The following AIDA variants were observed in gnomAD, a reference collection of about 807,000 sequenced individuals.
AIDA encodes the protein axin interactor, dorsalization associated.
In AIDA, 18 loss-of-function variants were observed where a neutral mutation model predicts 42.7. That is an observed-to-expected ratio of 0.42 (90% CI 0.29 to 0.63). AIDA has a LOEUF of 0.63. AIDA is among the 20% of genes least tolerant of loss of function. The pLI is 0.19. For missense variants in AIDA, 250 were observed against 354.1 expected, an observed-to-expected ratio of 0.71 and a Z score of 2.36; for synonymous variants, 104 against 122.9, an observed-to-expected ratio of 0.85 and a Z score of 1.02.
At chr1:222,678,837 G>C (rs1383417174) in intron 6 of AIDA, among the ~76,000 whole-genome samples, 1 of 152,086 alleles carries the variant, frequency 6.6e-6, no homozygotes, top group Non-Finnish European at 1.5e-5. Context: ...TCTCAGTTCT[G>C]GCTAGATTAC....
chr1:222,668,796 CAT>C lies in AIDA; in HGVS notation c.*1095_*1096del, dbSNP rs778350113. On this transcript the variant is annotated 3_prime_UTR_variant, in exon 10 of 10. Coordinates refer to ENST00000340020, the MANE Select transcript of AIDA (RefSeq NM_022831.4). ...TGTTCTGTGTATCAAATATCCACCT[CAT>C]GTGTACTATGAAAGTTTTATTTATG... 323 of 145,418 alleles carry C rather than the reference CAT, an allele frequency of 2.2e-3. 3 individuals are homozygous for C. Among genetic ancestry groups the C allele is most frequent in the Non-Finnish European group, 3.7e-3 (245 of 66,676 alleles). The allele number at this position is 145,418 out of a possible 1,614,324, so 9.0% of individuals were successfully genotyped here. A position where few individuals can be genotyped will look rare whatever the true frequency, so the allele number is the denominator to read the frequency against.
intron 1 of AIDA, among the ~76,000 whole-genome samples, chr1:222,704,356 T>C (rs954202182): frequency 2.0e-5 from 3 of 152,250 alleles, no homozygotes; most frequent in Non-Finnish European, 2.9e-5. Flanking sequence ...AAAAACCATA[T>C]GTTTACACAC....
At chr1:222,679,111 A>T (rs994932880) in intron 6 of AIDA, among the ~76,000 whole-genome samples, 1 of 152,218 alleles carries the variant, frequency 6.6e-6, no homozygotes, top group Admixed American at 6.5e-5. Context: ...CTGAAAACAT[A>T]TATCAATGTA....
intron 2 of AIDA, among the ~76,000 whole-genome samples, chr1:222,695,879 T>C (rs1339103632): frequency 6.6e-6 from 1 of 152,050 alleles, no homozygotes; most frequent in African/African-American, 2.4e-5. Flanking sequence ...ACTCGGTGGT[T>C]TTCTCTTTTA....
intron 6 of AIDA, among the ~76,000 whole-genome samples, chr1:222,685,934 T>C (rs918687847): frequency 3.3e-5 from 5 of 152,262 alleles, no homozygotes; most frequent in African/African-American, 1.2e-4. Flanking sequence ...CTGAGGCAGG[T>C]GGATCACCTG....
intron 6 of AIDA, among the ~76,000 whole-genome samples, chr1:222,680,162 C>T (rs984559531): frequency 2.0e-5 from 3 of 152,210 alleles, no homozygotes; most frequent in Non-Finnish European, 4.4e-5. Flanking sequence ...AGAGACTATG[C>T]AGCCCCTATA....
intron 6 of AIDA, among the ~76,000 whole-genome samples, chr1:222,680,991 T>G (rs1664643027): frequency 6.6e-6 from 1 of 152,132 alleles, no homozygotes; most frequent in African/African-American, 2.4e-5. Context: ...AGATGACTTT[T>G]CATATCCTGA....
At position 222,676,029 on chromosome 1, in the gene AIDA, C is replaced by T; in HGVS notation, c.583+67G>A. ...TCCCCGCCCCACCACCAAAATAAAACTGTCCCAAATGAGAAGCAACATTAT... is the reference window on the plus strand; with the variant it reads ...TCCCCGCCCCACCACCAAAATAAAATTGTCCCAAATGAGAAGCAACATTAT... On this transcript the variant is annotated intron_variant, in intron 7 of 9. Transcript: ENST00000340020. 2.0e-6 allele frequency: 3 copies of T among 1,482,272 alleles called. No individual in the cohort carries two copies. The South Asian group carries it at 4.3e-5, about 21-fold the overall frequency. The allele number at this position is 1,482,272 out of a possible 1,614,324, so 91.8% of individuals were successfully genotyped here. A position where few individuals can be genotyped will look rare whatever the true frequency, so the allele number is the denominator to read the frequency against.
chr1:222,670,045 A>C, intron 9 of AIDA, 56 bp from the exon 10 acceptor site: 1 of 1,611,566 alleles, frequency 6.2e-7, no homozygotes. Context: ...TGAACTCTTC[A>C]AGGTTAAATA....
At chr1:222,675,561 A>C (rs1664529276) in intron 7 of AIDA, among the ~76,000 whole-genome samples, 1 of 152,256 alleles carries the variant, frequency 6.6e-6, no homozygotes, top group East Asian at 1.9e-4. Flanking sequence ...TTACATTCAG[A>C]GCATGCATAC....
chr1:222,692,812 G>C (rs1655405855), intron 4 of AIDA, among the ~76,000 whole-genome samples: 1 of 152,334 alleles, frequency 6.6e-6, no homozygotes. Flanking sequence ...GTCATGAAGA[G>C]ATATGTTTGA....
chr1:222,699,914 G>C (rs1345083927), intron 2 of AIDA, among the ~76,000 whole-genome samples: 2 of 152,050 alleles, frequency 1.3e-5, no homozygotes, highest in Non-Finnish European at 2.9e-5. Flanking sequence ...TGGGACTACA[G>C]GTGCCCGCCA....
intron 2 of AIDA, among the ~76,000 whole-genome samples, chr1:222,701,378 G>A (rs916838329): frequency 6.6e-6 from 1 of 152,194 alleles, no homozygotes; most frequent in African/African-American, 2.4e-5. Context: ...CAGGATGCAA[G>A]TAACTCAAAC....
chr1:222,680,338 GC>G (rs1664631711), intron 6 of AIDA, among the ~76,000 whole-genome samples: 1 of 152,022 alleles, frequency 6.6e-6, no homozygotes, highest in African/African-American at 2.4e-5. Context: ...AGCTTTACCT[GC>G]CCCAACCTTC....
chr1:222,676,925 C>CA (rs113969334), intron 6 of AIDA, among the ~76,000 whole-genome samples: 21,884 of 131,226 alleles, frequency 0.17, 1,675 homozygotes, highest in Middle Eastern at 0.24. Flanking sequence ...AAAAAAACCA[C>CA]AAAAAAAAAC....
chr1:222,701,943 C>T (rs557934604), intron 2 of AIDA, among the ~76,000 whole-genome samples: 8 of 151,674 alleles, frequency 5.3e-5, no homozygotes, highest in Non-Finnish European at 1.2e-4. Flanking sequence ...AGGCTGGTCT[C>T]GAACTCCTGA....
intron 6 of AIDA, among the ~76,000 whole-genome samples, chr1:222,677,041 C>G (rs1319476475): frequency 1.3e-5 from 2 of 151,782 alleles, no homozygotes; most frequent in African/African-American, 2.4e-5. Flanking sequence ...ACTGATATCT[C>G]TCAACTTTTT....
At chr1:222,706,171 A>G (rs1655833279) in intron 1 of AIDA, among the ~76,000 whole-genome samples, 1 of 152,222 alleles carries the variant, frequency 6.6e-6, no homozygotes, top group Admixed American at 6.5e-5. Flanking sequence ...AAAAGACAAT[A>G]ACAAATGCTG....
chr1:222,708,684 T>C (rs974112912), intron 1 of AIDA, among the ~76,000 whole-genome samples: 1 of 152,114 alleles, frequency 6.6e-6, no homozygotes, highest in African/African-American at 2.4e-5. Flanking sequence ...CAGATATTTA[T>C]TGAGTATCCA....
Sources: allele counts gnomAD v4.1 joint callset (sites outside exome capture counted in the v4.1 genomes callset), GRCh38; gene constraint gnomAD v4.1.1; transcripts MANE v1.5; gene names NCBI Gene and HGNC (gene_info 2026-07-23, HGNC 2026-07-21).